Variants in ASAP2 observed in about 807,000 individuals in gnomAD.
The protein encoded by ASAP2 is arf-GAP with SH3 domain, ANK repeat and PH domain-containing protein 2.
Under a neutral mutation model 131.4 loss-of-function variants are expected in ASAP2, and 45 were observed. That is an observed-to-expected ratio of 0.34 (90% CI 0.27 to 0.44). ASAP2 has a LOEUF of 0.44. ASAP2 is among the 20% of genes least tolerant of loss of function. The probability of loss-of-function intolerance (pLI) is 1.00; values close to 1 mark genes in which losing one functional copy is unlikely to be tolerated. For missense variants in ASAP2, 1,011 were observed against 1,297.0 expected (o/e 0.78, Z 3.39); for synonymous variants, 510 against 503.0 (o/e 1.01, Z -0.19).
intron 1 of ASAP2, among the ~76,000 whole-genome samples, chr2:9,247,848 G>T (rs1052835524): frequency 3.3e-5 from 5 of 152,162 alleles, no homozygotes; most frequent in Non-Finnish European, 1.5e-5. Flanking sequence ...AAACTCAGCT[G>T]ATCCAGGAAA....
intron 1 of ASAP2, among the ~76,000 whole-genome samples, chr2:9,270,012 CAG>C (rs1002132613): frequency 3.3e-5 from 5 of 152,204 alleles, no homozygotes; most frequent in African/African-American, 1.2e-4. Flanking sequence ...GAACTCCAAA[CAG>C]ATGCTTTTAA....
At chr2:9,223,268 C>T (rs986962583) in intron 1 of ASAP2, among the ~76,000 whole-genome samples, 17 of 152,254 alleles carry the variant, frequency 1.1e-4, no homozygotes, top group Admixed American at 5.9e-4. Context: ...ATGGTCAAAG[C>T]GAAGTAAAGG....
intron 3 of ASAP2, among the ~76,000 whole-genome samples, chr2:9,301,775 T>C (rs949951986): frequency 1.3e-5 from 2 of 151,372 alleles, no homozygotes; most frequent in East Asian, 1.9e-4. Flanking sequence ...CCCATGTTGA[T>C]AGAGGAAATG....
chr2:9,242,659 C>T (rs1418525104), intron 1 of ASAP2, among the ~76,000 whole-genome samples: 2 of 152,250 alleles, frequency 1.3e-5, no homozygotes, highest in African/African-American at 4.8e-5. Context: ...GAGGCCTTTG[C>T]TTCCTCAGGA....
chr2:9,239,574 A>C (rs1303765398), intron 1 of ASAP2, among the ~76,000 whole-genome samples: 1 of 152,188 alleles, frequency 6.6e-6, no homozygotes, highest in East Asian at 1.9e-4. Context: ...GAGAAAATTG[A>C]GGTCCAGCTT....
At chr2:9,221,950 C>T (rs772597778) in intron 1 of ASAP2, among the ~76,000 whole-genome samples, 33 of 152,022 alleles carry the variant, frequency 2.2e-4, no homozygotes, top group Non-Finnish European at 3.7e-4. Flanking sequence ...CCCGCCACCA[C>T]GCCTGGCTAA....
At chr2:9,378,888 C>T in intron 18 of ASAP2, 56 bp from the exon 19 acceptor site, 1 of 1,282,720 alleles carries the variant, frequency 7.8e-7, no homozygotes. Flanking sequence ...CGGGCAGTCC[C>T]TGGTCGTCCA....
chr2:9,316,964 C>CT (rs1369537324), intron 3 of ASAP2, among the ~76,000 whole-genome samples: 19 of 120,676 alleles, frequency 1.6e-4, no homozygotes, highest in Non-Finnish European at 3.1e-4. Context: ...CTCCCACACA[C>CT]CCCCCGTCAC....
At chr2:9,240,659 T>A (rs1156426063) in intron 1 of ASAP2, among the ~76,000 whole-genome samples, 1 of 152,210 alleles carries the variant, frequency 6.6e-6, no homozygotes, top group East Asian at 1.9e-4. Flanking sequence ...TATTTTTTTC[T>A]TCTTTACCAT....
chr2:9,258,332 G>GTTTT lies in ASAP2; in HGVS notation c.127-20983_127-20982insTTTT, dbSNP rs769009726. ...TTCACAGTATTGATAGTAATCAGTA[G>GTTTT]TTGTTTTTTTTTTTTTTTTTTGAGA... On this transcript the variant is annotated intron_variant, in intron 1 of 27. Transcript: ENST00000281419. Among the ~76,000 whole-genome samples, 58 of 112,504 alleles carry GTTTT rather than the reference G, an allele frequency of 5.2e-4. 2 individuals carry two copies. The highest frequency in any genetic ancestry group is 1.8e-3 in the African/African-American group (48 of 26,628). 73.8% of individuals were successfully genotyped at this position (112,504 alleles called of 152,430 possible).
intron 1 of ASAP2, among the ~76,000 whole-genome samples, chr2:9,215,632 A>G (rs1316208640): frequency 6.7e-6 from 1 of 149,398 alleles, no homozygotes; most frequent in Non-Finnish European, 1.5e-5. Context: ...CAGACAGAGA[A>G]TTCCAGGCTT....
chr2:9,207,037 G>C lies in ASAP2; in HGVS notation c.-68G>C. The C allele has an allele frequency of 1.6e-6, 2 of 1,266,136 alleles. No homozygotes were observed. The highest frequency in any genetic ancestry group is 2.0e-6 in the Non-Finnish European group (2 of 994,802). 78.4% of individuals were successfully genotyped at this position (1,266,136 alleles called of 1,614,324 possible). On this transcript the variant is annotated 5_prime_UTR_variant, in exon 1 of 28. Transcript: ENST00000281419. This position sits in a 1 kb window ranked among gnomAD's most constrained non-coding sequence, Gnocchi z 4.1. ...AGCGGCGGTGTCCGAGCGGCGGTCGGAGCCTGCTGCGGCAGTTGAGGCGGC... is the reference window on the plus strand; with the variant it reads ...AGCGGCGGTGTCCGAGCGGCGGTCGCAGCCTGCTGCGGCAGTTGAGGCGGC...
At chr2:9,395,599 T>TC (rs1558401471) in intron 24 of ASAP2, among the ~76,000 whole-genome samples, 3 of 61,952 alleles carry the variant, frequency 4.8e-5, no homozygotes, top group African/African-American at 2.3e-4. Flanking sequence ...TTTTTCTTTT[T>TC]TTTTTTTTTT....
At chr2:9,317,648 A>G (rs1669858453) in intron 3 of ASAP2, among the ~76,000 whole-genome samples, 1 of 150,516 alleles carries the variant, frequency 6.6e-6, no homozygotes, top group Admixed American at 6.6e-5. Flanking sequence ...ACACACATTT[A>G]CACACTTACA....
chr2:9,219,720 C>T (rs779095845), intron 1 of ASAP2, among the ~76,000 whole-genome samples: 21 of 152,178 alleles, frequency 1.4e-4, no homozygotes, highest in Non-Finnish European at 2.8e-4. Context: ...ATAGAATTCA[C>T]TTACCATAAA....
At chr2:9,306,122 T>G (rs1572404736) in intron 3 of ASAP2, among the ~76,000 whole-genome samples, 1 of 13,296 alleles carries the variant, frequency 7.5e-5, no homozygotes, top group Non-Finnish European at 1.5e-4. Context: ...TATATATTGG[T>G]GGAGGGGCTG....
At chr2:9,401,203 G>T (rs1315388198) in intron 26 of ASAP2, 71 bp from the exon 27 acceptor site, 1 of 1,586,320 alleles carries the variant, frequency 6.3e-7, no homozygotes, top group South Asian at 1.1e-5. Flanking sequence ...GGAAGGCAGG[G>T]TGCTTGAGCT....
rs571046112 is a variant in ASAP2 at position 9,245,010 on chromosome 2, ATAAAAGG to A, written c.127-34300_127-34294del. On this transcript the variant is annotated intron_variant, in intron 1 of 27. Coordinates refer to ENST00000281419, the MANE Select transcript of ASAP2 (RefSeq NM_003887.3). ...GCACTACTTGAAGTCCTCCCGTCAT[ATAAAAGG>A]TAAAAGTCTGAATCATGCAGGCCTA... Among the ~76,000 whole-genome samples the A allele has an allele frequency of 4.5e-3, 687 of 152,298 alleles. 4 individuals carry two copies. Among genetic ancestry groups the A allele is most frequent in the African/African-American group, 0.016 (655 of 41,562 alleles).
At chr2:9,341,866 A>C (rs1671603271) in intron 9 of ASAP2, among the ~76,000 whole-genome samples, 1 of 152,168 alleles carries the variant, frequency 6.6e-6, no homozygotes. Flanking sequence ...CAGAGGCTCA[A>C]GTGCTGTGTG....
Sources: gnomAD v4.1 joint callset for allele counts (sites outside exome capture counted in the v4.1 genomes callset) on GRCh38, gnomAD v4.1.1 for gene constraint, Gnocchi (gnomAD v3.1) non-coding constraint, MANE v1.5 for transcripts, NCBI Gene and HGNC (gene_info 2026-07-23, HGNC 2026-07-21) for gene names.